The following PLA2R1 variants were observed in gnomAD, a reference collection of about 807,000 sequenced individuals.
PLA2R1 encodes the protein secretory phospholipase A2 receptor.
PLA2R1 carries 158 observed loss-of-function variants against 195.9 expected under a neutral mutation model. The observed-to-expected ratio is 0.81, with a 90% CI of 0.71 to 0.92. PLA2R1 has a LOEUF of 0.92. PLA2R1 is among the 40% of genes least tolerant of loss of function. The probability of loss-of-function intolerance (pLI) is 0.00; values close to 1 mark genes in which losing one functional copy is unlikely to be tolerated. For synonymous variants in PLA2R1, 586 were observed against 598.2 expected, an observed-to-expected ratio of 0.98 and a Z score of 0.30; for missense variants, 1,626 against 1,764.6, an observed-to-expected ratio of 0.92 and a Z score of 1.41.
chr2:159,967,378 T>C (rs565494054), intron 20 of PLA2R1, among the ~76,000 whole-genome samples, 161 bp downstream of exon 20: 2 of 152,306 alleles, frequency 1.3e-5, no homozygotes, highest in East Asian at 3.9e-4. Flanking sequence ...AAAGATTTGT[T>C]ACTAAATGGA....
At chr2:160,032,681 T>C (rs1693929868) in intron 4 of PLA2R1, among the ~76,000 whole-genome samples, 1 of 152,174 alleles carries the variant, frequency 6.6e-6, no homozygotes, top group Admixed American at 6.5e-5. Flanking sequence ...TTAGAAATCT[T>C]CCTGATCCAC....
At chr2:159,979,739 T>C (rs1689817348) in intron 14 of PLA2R1, 91 bp downstream of exon 14, 1 of 667,334 alleles carries the variant, frequency 1.5e-6, no homozygotes, top group East Asian at 2.8e-5. Context: ...GCTCTGGCCA[T>C]CATTTCTAGG....
At chr2:159,954,425 C>T (rs1687955202) in intron 23 of PLA2R1, among the ~76,000 whole-genome samples, 1 of 151,792 alleles carries the variant, frequency 6.6e-6, no homozygotes, top group Non-Finnish European at 1.5e-5. Flanking sequence ...GCTTCTCTGG[C>T]ACTGCTTTTT....
At chr2:159,944,722 C>T (rs1687279159) in intron 28 of PLA2R1, among the ~76,000 whole-genome samples, 184 bp downstream of exon 28, 1 of 152,016 alleles carries the variant, frequency 6.6e-6, no homozygotes, top group Non-Finnish European at 1.5e-5. Context: ...TTTTTTTTCT[C>T]ATATCAGAGA....
chr2:160,032,877 G>T, intron 4 of PLA2R1, 82 bp downstream of exon 4: 1 of 1,061,778 alleles, frequency 9.4e-7, no homozygotes, highest in Non-Finnish European at 1.4e-6. Context: ...CTTTTTGTCA[G>T]AATATATTTT....
chr2:159,980,960 C>T (rs1689904684), intron 13 of PLA2R1, among the ~76,000 whole-genome samples: 1 of 152,138 alleles, frequency 6.6e-6, no homozygotes, highest in Non-Finnish European at 1.5e-5. Flanking sequence ...CATGATGATA[C>T]TAACTTTCAT....
chr2:160,032,048 T>A (rs1246579961), intron 4 of PLA2R1, among the ~76,000 whole-genome samples: 1 of 152,254 alleles, frequency 6.6e-6, no homozygotes, highest in Non-Finnish European at 1.5e-5. Flanking sequence ...ATTACTGGCG[T>A]GAGCCACTGC....
chr2:160,055,937 C>A lies in PLA2R1; in HGVS notation c.109+6358G>T, dbSNP rs140790181. On this transcript the variant is annotated intron_variant, in intron 1 of 29. Transcript: ENST00000283243. ...GCCGCCTCCAGGTAGTGGCTCTCAT[C>A]GCCCTCTTTCAGAAGGTGGCAGCTA... 2.8e-3 allele frequency among the ~76,000 whole-genome samples: 423 copies of A among 152,250 alleles called. 2 individuals are homozygous for A. Among genetic ancestry groups the A allele is most frequent in the African/African-American group, 9.7e-3 (401 of 41,548 alleles).
chr2:160,009,680 G>C (rs1031424238), intron 10 of PLA2R1, among the ~76,000 whole-genome samples: 1 of 131,218 alleles, frequency 7.6e-6, no homozygotes, highest in Non-Finnish European at 1.7e-5. Context: ...GACTAACATG[G>C]TGAATTTTAC....
intron 17 of PLA2R1, 132 bp from the exon 18 acceptor site, chr2:159,970,344 G>T: frequency 2.1e-6 from 1 of 471,206 alleles, no homozygotes; most frequent in Non-Finnish European, 3.7e-6. Flanking sequence ...AATACACTAA[G>T]GCCTAGCATC....
At position 159,956,729 on chromosome 2, in the gene PLA2R1, A is replaced by T. The variant is rs1688116916; in HGVS notation, c.2905-102T>A. ...ATATCAGCTTTGAAAATTCTTTATA[A>T]TTTTCTTGGGCAGAAAGAACTCATT... On this transcript the variant is annotated intron_variant, in intron 20 of 29. Transcript: ENST00000283243. 4.2e-6 allele frequency: 3 copies of T among 722,082 alleles called. No individual in the cohort carries two copies. In the African/African-American group the frequency reaches 5.3e-5, roughly 13 times the overall value. 44.7% of individuals were successfully genotyped at this position (722,082 alleles called of 1,614,324 possible).
rs1695780511 is a variant in PLA2R1, at chr2:160,059,159, C to T, written c.109+3136G>A. On this transcript the variant is annotated intron_variant, in intron 1 of 29. Transcript: ENST00000283243. Reference sequence around the variant, plus strand: ...CACTGGTCTGACAGGAGGTGGAGCTCAGACAGTAATGTGAGGGAAGGGGAG... The same window carrying T: ...CACTGGTCTGACAGGAGGTGGAGCTTAGACAGTAATGTGAGGGAAGGGGAG... 3.3e-5 allele frequency among the ~76,000 whole-genome samples: 5 copies of T among 152,272 alleles called. No individual in the cohort carries two copies. In the South Asian group the frequency reaches 1.0e-3, roughly 32 times the overall value.
chr2:160,059,015 G>A (rs1465670592), intron 1 of PLA2R1, among the ~76,000 whole-genome samples: 1 of 152,208 alleles, frequency 6.6e-6, no homozygotes, highest in African/African-American at 2.4e-5. Flanking sequence ...CCCATCTGGG[G>A]TGACGGGAGA....
intron 20 of PLA2R1, among the ~76,000 whole-genome samples, chr2:159,962,628 C>A (rs1688522478): frequency 6.6e-6 from 1 of 152,166 alleles, no homozygotes; most frequent in African/African-American, 2.4e-5. Flanking sequence ...AGACTTGGAA[C>A]CAACCCAAAT....
rs1431912858 is a variant in PLA2R1, at chr2:159,937,396, A to G, written c.*4382T>C. ...AACACAAGAGCAGCAGATTTAGTTCATTCAATTAATACAAAATGTTCATCA... is the reference window on the plus strand; with the variant it reads ...AACACAAGAGCAGCAGATTTAGTTCGTTCAATTAATACAAAATGTTCATCA... On this transcript the variant is annotated 3_prime_UTR_variant, in exon 30 of 30. Coordinates refer to ENST00000283243, the MANE Select transcript of PLA2R1 (RefSeq NM_007366.5). 6.6e-6 allele frequency: 1 copy of G among 152,242 alleles called. No individual in the cohort carries two copies. Among genetic ancestry groups the G allele is most frequent in the African/African-American group, 2.4e-5 (1 of 41,462 alleles). 9.4% of individuals were successfully genotyped at this position (152,242 alleles called of 1,614,324 possible). A position where few individuals can be genotyped will look rare whatever the true frequency, so the allele number is the denominator to read the frequency against.
chr2:159,949,754 G>C lies in PLA2R1; in HGVS notation c.3563C>G (p.Ser1188Cys), dbSNP rs1687622256. The C allele has an allele frequency of 1.2e-6, 2 of 1,613,830 alleles. No individual in the cohort carries two copies. The highest frequency in any genetic ancestry group is 1.3e-5 in the African/African-American group (1 of 75,030). The change falls in exon 25 of 30, where the codon TCT becomes TGT. Residue 1188 changes from serine (S) to cysteine (C), a missense_variant. Transcript: ENST00000283243. ...AGTGAAAGAAGATTTGGTGCCATCA[G>C]ACCAGTCAAAATTAAGACCATTCTG... ...TTDNGLNFDW[S>C]DGTKSSFTFW...
intron 1 of PLA2R1, among the ~76,000 whole-genome samples, chr2:160,061,881 T>G (rs1385120413): frequency 6.6e-6 from 1 of 152,130 alleles, no homozygotes; most frequent in Non-Finnish European, 1.5e-5. Context: ...GCGCTTGCTT[T>G]GCAAGGGGAC....
chr2:160,028,984 C>T (rs1693690510), intron 4 of PLA2R1, 21 bp from the exon 5 acceptor site: 2 of 1,333,746 alleles, frequency 1.5e-6, no homozygotes, highest in Non-Finnish European at 2.2e-6. Flanking sequence ...AATTATGGAG[C>T]TTCAAAAAAA....
chr2:159,973,862 C>T (rs1403894753), intron 17 of PLA2R1, among the ~76,000 whole-genome samples: 1 of 152,038 alleles, frequency 6.6e-6, no homozygotes, highest in Non-Finnish European at 1.5e-5. Flanking sequence ...GACAATTTTG[C>T]CATATAAGGC....
Sources: gnomAD v4.1 joint callset for allele counts (sites outside exome capture counted in the v4.1 genomes callset) on GRCh38, gnomAD v4.1.1 for gene constraint, MANE v1.5 for transcripts, NCBI Gene and HGNC (gene_info 2026-07-23, HGNC 2026-07-21) for gene names.